The following CARD8 variants were observed in gnomAD, a reference collection of about 807,000 sequenced individuals.
The protein encoded by CARD8 is caspase recruitment domain-containing protein 8.
CARD8 carries 38 observed loss-of-function variants against 53.2 expected under a neutral mutation model. That is an observed-to-expected ratio of 0.71 (90% CI 0.55 to 0.94). The LOEUF is 0.94. Ranked by LOEUF, CARD8 falls within the 40% of genes least tolerant of loss-of-function variation. The pLI is 0.00. For missense variants in CARD8, 561 were observed against 655.5 expected, an observed-to-expected ratio of 0.86 and a Z score of 1.57; for synonymous variants, 245 against 244.9, an observed-to-expected ratio of 1.00 and a Z score of 0.00.
chr19:48,217,907 G>A (rs977587017), intron 12 of CARD8, among the ~76,000 whole-genome samples: 7 of 152,192 alleles, frequency 4.6e-5, no homozygotes, highest in Non-Finnish European at 8.8e-5. Context: ...CTTTTTAACA[G>A]ATTACCTCAG....
Position 48,210,813 on chromosome 19 carries a change from A to G in CARD8, c.*897T>C, listed in dbSNP as rs1056853729. Reference sequence around the variant, plus strand: ...GGTGTCTACTAGGAACTTGTTTTAAACAGATTAAACATAAAAGGATGGAAA... The same window carrying G: ...GGTGTCTACTAGGAACTTGTTTTAAGCAGATTAAACATAAAAGGATGGAAA... On this transcript the variant is annotated 3_prime_UTR_variant, in exon 14 of 14. Coordinates refer to ENST00000651546, the MANE Select transcript of CARD8 (RefSeq NM_001184900.3). 2 of 152,388 alleles carry G rather than the reference A, an allele frequency of 1.3e-5. No individual in the cohort carries two copies. The highest frequency in any genetic ancestry group is 1.9e-4 in the East Asian group (1 of 5,346). 9.4% of individuals were successfully genotyped at this position (152,388 alleles called of 1,614,324 possible).
At chr19:48,221,521 G>A (rs2145757274) in intron 11 of CARD8, among the ~76,000 whole-genome samples, 1 of 152,256 alleles carries the variant, frequency 6.6e-6, no homozygotes, top group East Asian at 1.9e-4. Flanking sequence ...CCTAACATAA[G>A]TATGTCAAAT....
chr19:48,237,354 AT>A (rs1481497007), intron 5 of CARD8, among the ~76,000 whole-genome samples: 9 of 152,150 alleles, frequency 5.9e-5, no homozygotes, highest in Admixed American at 5.2e-4. Flanking sequence ...GAAGCCACTT[AT>A]CACCAAAGGA....
At chr19:48,231,545 C>A in intron 8 of CARD8, 115 bp downstream of exon 8, 1 of 1,021,786 alleles carries the variant, frequency 9.8e-7, no homozygotes, top group South Asian at 1.6e-5. Flanking sequence ...CCTTGTGATC[C>A]GCCCTCCTCC....
chr19:48,223,932 T>A (rs1414348248), intron 10 of CARD8: 1 of 452,410 alleles, frequency 2.2e-6, no homozygotes, highest in Non-Finnish European at 4.4e-6. Flanking sequence ...CCTGGAACAG[T>A]ACTGTTGAAT....
intron 3 of CARD8, among the ~76,000 whole-genome samples, chr19:48,249,057 C>T (rs1054019037): frequency 2.6e-5 from 4 of 151,932 alleles, no homozygotes; most frequent in Non-Finnish European, 5.9e-5. Context: ...ATTAGTCGTG[C>T]GTGGTGGCGG....
intron 13 of CARD8, 152 bp downstream of exon 13, chr19:48,215,188 A>G: frequency 1.7e-6 from 1 of 586,428 alleles, no homozygotes; most frequent in Middle Eastern, 2.7e-4. Flanking sequence ...TCTGTCTTCT[A>G]AGGAGGCAAG....
chr19:48,218,374 TCAGATGGAG>T (rs1568673691), intron 12 of CARD8, among the ~76,000 whole-genome samples: 1 of 76,252 alleles, frequency 1.3e-5, no homozygotes, highest in Non-Finnish European at 2.8e-5. Context: ...TTTTTTTTTT[TCAGATGGAG>T]TTTCGCTCTT....
intron 10 of CARD8, among the ~76,000 whole-genome samples, chr19:48,226,936 T>TA (rs1484044065): frequency 6.6e-6 from 1 of 151,008 alleles, no homozygotes. Context: ...ATAAATAAAA[T>TA]AAAAAAATAC....
rs1405469914 is a variant in CARD8 at position 48,218,938 on chromosome 19, T to A, written c.1236A>T (p.Glu412Asp). Residue 412 changes from glutamate to aspartate, a missense_variant, in exon 12 of 14, where the codon GAA becomes GAT. Physicochemically the swap from Glu to Asp is conservative, Grantham distance 45. Coordinates refer to ENST00000651546, the MANE Select transcript of CARD8 (RefSeq NM_001184900.3). ...TTTCAGTAATCTCAAGTTGAATGGG[T>A]TCCTTCATCTGCCCAGCATAGAATT... is the stretch of plus-strand genomic sequence containing the variant. ...FSKFYAGQMK[E>D]PIQLEITEKR... 4 of 1,613,658 alleles carry A rather than the reference T, an allele frequency of 2.5e-6. No individual in the cohort carries two copies. Among genetic ancestry groups the A allele is most frequent in the African/African-American group, 2.7e-5 (2 of 74,884 alleles).
At chr19:48,207,734 G>GTTTTTTTTTGTTTTGTTTTTTTTTTT (rs2037429691), downstream of CARD8, among the ~76,000 whole-genome samples, 1 of 116,552 alleles carries the variant, frequency 8.6e-6, no homozygotes, top group African/African-American at 3.7e-5. Flanking sequence ...TTGTTTTTCT[G>GTTTTTTTTTGTTTTGTTTTTTTTTTT]TTTTTTTTTT....
rs1290136905 is a variant in CARD8, at chr19:48,230,534, G to A, written c.939C>T (p.Ile313=). The change falls in exon 10 of 14, where the codon ATC becomes ATT. Residue 313 remains isoleucine (I), a synonymous_variant. Coordinates refer to ENST00000651546, the MANE Select transcript of CARD8 (RefSeq NM_001184900.3). The stretch of plus-strand genomic sequence containing the variant: ...AGATCAATGTGTTGGAAGTGATGGG[G>A]ATGGAGAGGCGAGTCCCACTGGCGA... The part of the protein sequence containing the change: ...LRIASGTRLS[I]PITSNTLIYY... The A allele has an allele frequency of 6.2e-7, 1 of 1,614,188 alleles. No individual in the cohort carries two copies. Among genetic ancestry groups the A allele is most frequent in the South Asian group, 1.1e-5 (1 of 91,088 alleles).
intron 3 of CARD8, among the ~76,000 whole-genome samples, chr19:48,242,937 C>G (rs2045456420): frequency 6.6e-6 from 1 of 152,008 alleles, no homozygotes; most frequent in South Asian, 2.1e-4. Flanking sequence ...AATGGCCATT[C>G]TAGTACATGT....
Position 48,224,023 on chromosome 19 carries a change from G to T in CARD8, c.1036-2168C>A, listed in dbSNP as rs916657391. Among the ~76,000 whole-genome samples, 179 of 152,264 alleles carry T rather than the reference G, an allele frequency of 1.2e-3. 2 individuals are homozygous for T. Among genetic ancestry groups the T allele is most frequent in the Admixed American group, 0.01 (160 of 15,292 alleles). ...GTCACCCAGGCTGGAGTATAGTGGT[G>T]TGATCTCAGCTCACTGCAACCTCTG... On this transcript the variant is annotated intron_variant, in intron 10 of 13. Coordinates refer to ENST00000651546, the MANE Select transcript of CARD8 (RefSeq NM_001184900.3).
chr19:48,206,269 CATT>C (rs1322674680), downstream of CARD8: 1 of 339,326 alleles, frequency 2.9e-6, no homozygotes, highest in Non-Finnish European at 5.9e-6. Context: ...TGTTTTGAAA[CATT>C]ATGGGAAGTT....
chr19:48,222,634 A>T (rs1185668647), intron 10 of CARD8, among the ~76,000 whole-genome samples: 1 of 151,680 alleles, frequency 6.6e-6, no homozygotes, highest in African/African-American at 2.4e-5. Flanking sequence ...GATTGCAGTG[A>T]GCCGAGATTG....
chr19:48,217,817 A>AT (rs1008437835), intron 12 of CARD8, among the ~76,000 whole-genome samples: 79 of 152,302 alleles, frequency 5.2e-4, no homozygotes, highest in Admixed American at 4.9e-3. Flanking sequence ...TCTTTGGCAA[A>AT]TTGTCTGGGA....
Position 48,215,237 on chromosome 19 carries a change from G to T in CARD8, c.1348+103C>A, listed in dbSNP as rs2039020458. The T allele has an allele frequency of 3.7e-6, 3 of 811,084 alleles. No homozygotes were observed. The South Asian group carries it at 4.3e-5, about 12-fold the overall frequency. 50.2% of individuals were successfully genotyped at this position (811,084 alleles called of 1,614,324 possible). A position where few individuals can be genotyped will look rare whatever the true frequency, so the allele number is the denominator to read the frequency against. On this transcript the variant is annotated intron_variant, in intron 13 of 13. Coordinates refer to ENST00000651546, the MANE Select transcript of CARD8 (RefSeq NM_001184900.3). The stretch of plus-strand genomic sequence containing the variant: ...GCAGACCTATACGGATTTGCTGCCA[G>T]TAACGTTCTGGTGCCATGTCACTTG...
At chr19:48,235,032 C>T (rs2043628487) in intron 5 of CARD8, among the ~76,000 whole-genome samples, 1 of 152,124 alleles carries the variant, frequency 6.6e-6, no homozygotes, top group South Asian at 2.1e-4. Flanking sequence ...ACAGTTATCT[C>T]CTCTTCTCCC....
Sources: gnomAD v4.1 joint callset for allele counts (sites outside exome capture counted in the v4.1 genomes callset) on GRCh38, gnomAD v4.1.1 for gene constraint, MANE v1.5 for transcripts, NCBI Gene and HGNC (gene_info 2026-07-23, HGNC 2026-07-21) for gene names.